Variants in MPPED1 observed in about 807,000 individuals in gnomAD.
MPPED1 encodes the protein metallophosphoesterase domain containing 1.
A neutral mutation model predicts 36.2 loss-of-function variants in MPPED1; 16 were observed. The observed-to-expected ratio is 0.44, with a 90% CI of 0.30 to 0.67. The LOEUF (loss-of-function observed/expected upper bound fraction) is 0.67. Among genes scored for constraint, MPPED1 ranks in the 30% least tolerant of loss-of-function variants. The probability of loss-of-function intolerance (pLI) is 0.10; values close to 1 mark genes in which losing one functional copy is unlikely to be tolerated. For synonymous variants in MPPED1, 199 were observed against 191.3 expected, an observed-to-expected ratio of 1.04 and a Z score of -0.33; for missense variants, 307 against 453.4, an observed-to-expected ratio of 0.68 and a Z score of 2.93.
At chr22:43,472,476 T>C (rs909715131) in intron 3 of MPPED1, among the ~76,000 whole-genome samples, 13 of 152,214 alleles carry the variant, frequency 8.5e-5, no homozygotes, top group African/African-American at 2.4e-4. Context: ...TACAGCGGGT[T>C]GGTGGCAGAG....
intron 4 of MPPED1, among the ~76,000 whole-genome samples, chr22:43,497,014 A>G (rs1252187084): frequency 0.053 from 1,398 of 26,294 alleles, no homozygotes; most frequent in Middle Eastern, 0.088. Flanking sequence ...TGGTGGAGGT[A>G]GTGGTGGTGG....
In MPPED1 at chr22:43,419,727, G is replaced by A. The variant is rs116584780; in HGVS notation, c.-78-5181G>A. 5.6e-3 allele frequency among the ~76,000 whole-genome samples: 842 copies of A among 151,136 alleles called. 10 individuals are homozygous for A. The highest frequency in any genetic ancestry group is 0.02 in the African/African-American group (813 of 41,062). On this transcript the variant is annotated intron_variant, in intron 1 of 6. Coordinates refer to ENST00000443721, the MANE Select transcript of MPPED1 (RefSeq NM_001044370.2). ...GGGGGTCAAGACCGCCAGGAGACCA[G>A]ACAAGTTTGGGGGTGGGGGGTGGTC... is the stretch of plus-strand genomic sequence containing the variant.
At position 43,506,119 on chromosome 22, in the gene MPPED1, G is replaced by C. The variant is rs1007905964; in HGVS notation, c.*503G>C. The C allele has an allele frequency of 2.0e-5, 3 of 153,198 alleles. No homozygotes were observed. In the East Asian group the frequency reaches 5.8e-4, roughly 30 times the overall value. 9.5% of individuals were successfully genotyped at this position (153,198 alleles called of 1,614,324 possible). A position where few individuals can be genotyped will look rare whatever the true frequency, so the allele number is the denominator to read the frequency against. The stretch of plus-strand genomic sequence containing the variant: ...AGGGAGGAGACAGGCCCAAGGCGGA[G>C]GCCCTCCGAGGGAGCATTTAGGGAC... On this transcript the variant is annotated 3_prime_UTR_variant, in exon 7 of 7. Transcript: ENST00000443721.
At chr22:43,500,401 T>TGGTGGGGGTGGTGGTGGTG in intron 5 of MPPED1, among the ~76,000 whole-genome samples, 1 of 145,440 alleles carries the variant, frequency 6.9e-6, no homozygotes, top group East Asian at 2.1e-4. Flanking sequence ...ATGGAGGTGG[T>TGGTGGGGGTGGTGGTGGTG]AGTGGTGGTG....
chr22:43,446,516 G>A (rs769356056), intron 3 of MPPED1, among the ~76,000 whole-genome samples: 3 of 152,214 alleles, frequency 2.0e-5, no homozygotes, highest in Admixed American at 6.5e-5. Context: ...CTGGGCAGAG[G>A]CAGCAACTCT....
At chr22:43,425,350 A>G (rs970317887) in intron 2 of MPPED1, 141 bp downstream of exon 2, 1 of 1,384,382 alleles carries the variant, frequency 7.2e-7, no homozygotes, top group South Asian at 1.5e-5. Context: ...GAATTCTAGG[A>G]TCATCGGGGC....
chr22:43,425,653 A>C (rs1421076814), intron 2 of MPPED1, among the ~76,000 whole-genome samples: 1 of 152,202 alleles, frequency 6.6e-6, no homozygotes, highest in Non-Finnish European at 1.5e-5. Context: ...ACACATGGGG[A>C]GACCGAGCCC....
At chr22:43,501,349 C>G (rs983354407) in intron 5 of MPPED1, among the ~76,000 whole-genome samples, 6 of 152,162 alleles carry the variant, frequency 3.9e-5, no homozygotes, top group Admixed American at 6.5e-5. Flanking sequence ...TTCCTTCTCC[C>G]CTCTTCTATC....
chr22:43,471,750 G>T (rs937165824), intron 3 of MPPED1, among the ~76,000 whole-genome samples: 2 of 152,174 alleles, frequency 1.3e-5, no homozygotes, highest in Admixed American at 6.5e-5. Context: ...GGCTTCATTC[G>T]CCAGACTCCT....
At chr22:43,495,552 A>T (rs936307566) in intron 4 of MPPED1, among the ~76,000 whole-genome samples, 11 of 18,492 alleles carry the variant, frequency 5.9e-4, no homozygotes, top group Non-Finnish European at 7.1e-4. Context: ...GTGGTGGTGG[A>T]GATGGTGGTG....
chr22:43,495,515 G>GTGGTGGAGGTGGTGA (rs1932263083), intron 4 of MPPED1, among the ~76,000 whole-genome samples: 1 of 127,206 alleles, frequency 7.9e-6, no homozygotes, highest in Non-Finnish European at 1.7e-5. Context: ...GGTGGTGGTG[G>GTGGTGGAGGTGGTGA]TGGTGGAGGT....
chr22:43,464,753 A>G (rs574430897), intron 3 of MPPED1, among the ~76,000 whole-genome samples: 1 of 152,222 alleles, frequency 6.6e-6, no homozygotes, highest in South Asian at 2.1e-4. Flanking sequence ...TTGTAGCTCC[A>G]CATTTCTCTT....
chr22:43,446,232 G>A (rs796348150), intron 3 of MPPED1, among the ~76,000 whole-genome samples: 27 of 152,304 alleles, frequency 1.8e-4, no homozygotes, highest in African/African-American at 6.3e-4. Flanking sequence ...ATTAGTATTT[G>A]TTTTCCAGGT....
At chr22:43,504,791 T>A (rs1387306297) in intron 6 of MPPED1, among the ~76,000 whole-genome samples, 2 of 151,580 alleles carry the variant, frequency 1.3e-5, no homozygotes, top group African/African-American at 4.9e-5. Flanking sequence ...GTTATGATGA[T>A]GTTGATGGTG....
At chr22:43,458,192 C>T (rs1219469240) in intron 3 of MPPED1, among the ~76,000 whole-genome samples, 1 of 152,080 alleles carries the variant, frequency 6.6e-6, no homozygotes, top group African/African-American at 2.4e-5. Context: ...GAATGCATCT[C>T]TGTCATTAAC....
chr22:43,485,558 G>C (rs566777789), intron 4 of MPPED1, among the ~76,000 whole-genome samples: 23 of 151,982 alleles, frequency 1.5e-4, no homozygotes, highest in African/African-American at 5.3e-4. Flanking sequence ...GTCACACACA[G>C]ACACCGCCAC....
chr22:43,439,363 T>G (rs575690923), intron 3 of MPPED1, among the ~76,000 whole-genome samples: 1 of 152,378 alleles, frequency 6.6e-6, no homozygotes, highest in South Asian at 2.1e-4. Context: ...GGACAAGTTC[T>G]CCAGCTATAA....
At chr22:43,458,492 G>C (rs1930833785) in intron 3 of MPPED1, among the ~76,000 whole-genome samples, 1 of 151,998 alleles carries the variant, frequency 6.6e-6, no homozygotes, top group African/African-American at 2.4e-5. Context: ...CACCATGTTG[G>C]CCAGTCTGGT....
chr22:43,494,943 C>T (rs1005626491), intron 4 of MPPED1, among the ~76,000 whole-genome samples: 7 of 152,164 alleles, frequency 4.6e-5, no homozygotes, highest in African/African-American at 1.7e-4. Flanking sequence ...ATCTCTCATG[C>T]CTCTCCTTAT....
Sources: gnomAD v4.1 joint callset for allele counts (sites outside exome capture counted in the v4.1 genomes callset) on GRCh38, gnomAD v4.1.1 for gene constraint, MANE v1.5 for transcripts, NCBI Gene and HGNC (gene_info 2026-07-23, HGNC 2026-07-21) for gene names.